PCDH15: variants seen among roughly 807,000 people sequenced by gnomAD.
PCDH15 encodes the protein protocadherin related 15.
Under a neutral mutation model 178.5 loss-of-function variants are expected in PCDH15, and 129 were observed. The observed-to-expected ratio is 0.72, with a 90% CI of 0.63 to 0.84. The LOEUF is 0.84. Ranked by LOEUF, PCDH15 falls within the 40% of genes least tolerant of loss-of-function variation. PCDH15 has a pLI of 0.00. For synonymous variants in PCDH15, 800 were observed against 732.0 expected, an observed-to-expected ratio of 1.09 and a Z score of -1.50; for missense variants, 2,230 against 2,099.9, an observed-to-expected ratio of 1.06 and a Z score of -1.21.
intron 37 of PCDH15, chr10:53,808,943 G>C: frequency 6.4e-7 from 1 of 1,561,028 alleles, no homozygotes; most frequent in Non-Finnish European, 8.7e-7. Context: ...ACAGGGGCTG[G>C]TCCACTTTCT....
intron 6 of PCDH15, among the ~76,000 whole-genome samples, chr10:54,332,285 TAATC>T (rs1483837612): frequency 1.1e-5 from 1 of 87,826 alleles, no homozygotes; most frequent in Non-Finnish European, 2.4e-5. Flanking sequence ...TAATATAATA[TAATC>T]TATATTACAT....
intron 2 of PCDH15, among the ~76,000 whole-genome samples, chr10:55,468,894 T>G (rs1839898148): frequency 1.3e-5 from 2 of 152,184 alleles, no homozygotes; most frequent in Non-Finnish European, 2.9e-5. Flanking sequence ...TGTCACCTAA[T>G]TAATTCTTGA....
chr10:55,439,053 C>T (rs937218567), intron 2 of PCDH15, among the ~76,000 whole-genome samples: 2 of 151,960 alleles, frequency 1.3e-5, no homozygotes, highest in Non-Finnish European at 2.9e-5. Context: ...CGCCCACCAC[C>T]ACGCTTGGCT....
At chr10:54,436,051 A>AGAGAGAAAAG (rs1428860580) in intron 3 of PCDH15, among the ~76,000 whole-genome samples, 4 of 138,462 alleles carry the variant, frequency 2.9e-5, no homozygotes, top group Non-Finnish European at 6.0e-5. Flanking sequence ...AGAGAGAGAG[A>AGAGAGAAAAG]AAAGAAAGAA....
intron 2 of PCDH15, among the ~76,000 whole-genome samples, chr10:54,614,677 T>C (rs2093073202): frequency 6.6e-6 from 1 of 152,036 alleles, no homozygotes; most frequent in South Asian, 2.1e-4. Context: ...GCTATTGTCA[T>C]TCTACTTTCT....
rs888951099 is a variant in PCDH15 at position 55,315,775 on chromosome 10, T to C, written c.-156+3824A>G. Among the ~76,000 whole-genome samples the C allele has an allele frequency of 4.6e-5, 7 of 152,296 alleles. No individual in the cohort carries two copies. The South Asian group carries it at 1.4e-3, about 32-fold the overall frequency. ...GCTCCTGCCTGCAATCCCAGCGCTT[T>C]GGGAGGCTGAGGCAGGCAGATCACG... is the stretch of plus-strand genomic sequence containing the variant. On this transcript the variant is annotated intron_variant, in intron 1 of 5. Transcript: ENST00000458638.
intron 1 of PCDH15, among the ~76,000 whole-genome samples, chr10:55,284,169 A>T (rs1486669218): frequency 6.8e-6 from 1 of 146,138 alleles, no homozygotes; most frequent in Admixed American, 6.7e-5. Context: ...TTTGTGAGTT[A>T]TGTGTCCTTT....
At chr10:54,640,452 T>C (rs2093962862) in intron 2 of PCDH15, among the ~76,000 whole-genome samples, 1 of 152,110 alleles carries the variant, frequency 6.6e-6, no homozygotes, top group Non-Finnish European at 1.5e-5. Flanking sequence ...AATGAACTAA[T>C]AAAATTCCTA....
intron 2 of PCDH15, among the ~76,000 whole-genome samples, chr10:55,031,377 A>G (rs1840604716): frequency 6.6e-6 from 1 of 152,214 alleles, no homozygotes; most frequent in Non-Finnish European, 1.5e-5. Context: ...AAGTAAGACA[A>G]TCAGTAATAA....
At chr10:54,550,371 G>A (rs2086420857) in intron 2 of PCDH15, among the ~76,000 whole-genome samples, 1 of 151,936 alleles carries the variant, frequency 6.6e-6, no homozygotes, top group Non-Finnish European at 1.5e-5. Context: ...TTTCCTGTTA[G>A]GTGAGCTGCA....
chr10:55,040,624 G>A (rs1402617395), intron 2 of PCDH15, among the ~76,000 whole-genome samples: 3 of 152,008 alleles, frequency 2.0e-5, no homozygotes, highest in South Asian at 2.1e-4. Flanking sequence ...GTACATATTC[G>A]AAAACTGTGA....
At chr10:53,874,114 G>C (rs2080057442) in intron 26 of PCDH15, among the ~76,000 whole-genome samples, 1 of 152,116 alleles carries the variant, frequency 6.6e-6, no homozygotes, top group Admixed American at 6.6e-5. Context: ...ACTGATGGGA[G>C]CTTTCATTTA....
chr10:55,419,642 T>C (rs184977247), intron 2 of PCDH15, among the ~76,000 whole-genome samples: 3 of 151,856 alleles, frequency 2.0e-5, no homozygotes, highest in Admixed American at 1.3e-4. Context: ...AATGAGACTT[T>C]TGAAACTCTG....
chr10:53,815,929 T>C (rs2076045865), intron 35 of PCDH15, among the ~76,000 whole-genome samples: 3 of 152,150 alleles, frequency 2.0e-5, no homozygotes, highest in Admixed American at 1.3e-4. Flanking sequence ...TTCAGATTGA[T>C]TAAGACAAGT....
At chr10:55,221,372 T>C (rs1840870769) in intron 1 of PCDH15, among the ~76,000 whole-genome samples, 1 of 152,130 alleles carries the variant, frequency 6.6e-6, no homozygotes, top group Non-Finnish European at 1.5e-5. Flanking sequence ...TAAAAATATG[T>C]AGCAATATTT....
chr10:54,606,311 T>A (rs2092739214), intron 2 of PCDH15: 1 of 152,136 alleles, frequency 6.6e-6, no homozygotes, highest in Admixed American at 6.6e-5. Context: ...TGATTCTATT[T>A]CCTGAGAGGT....
At chr10:54,134,791 G>C (rs998364141) in intron 14 of PCDH15, among the ~76,000 whole-genome samples, 4 of 151,100 alleles carry the variant, frequency 2.6e-5, no homozygotes, top group Admixed American at 6.6e-5. Flanking sequence ...CAGATCATAG[G>C]CACTAAAATT....
intron 1 of PCDH15, among the ~76,000 whole-genome samples, chr10:55,190,016 A>G (rs929114562): frequency 1.3e-5 from 2 of 151,878 alleles, no homozygotes; most frequent in Admixed American, 6.6e-5. Flanking sequence ...TTATCCAAGT[A>G]CTCTTCAGTA....
chr10:54,308,796 C>T (rs1811804819), intron 8 of PCDH15, among the ~76,000 whole-genome samples: 1 of 151,880 alleles, frequency 6.6e-6, no homozygotes, highest in Non-Finnish European at 1.5e-5. Context: ...CCCCGACCCC[C>T]AGACAGGCCC....
Sources: allele counts gnomAD v4.1 joint callset (sites outside exome capture counted in the v4.1 genomes callset), GRCh38; gene constraint gnomAD v4.1.1; transcripts MANE v1.5; gene names NCBI Gene and HGNC (gene_info 2026-07-23, HGNC 2026-07-21).